ATCAY: variants seen among roughly 807,000 people sequenced by gnomAD.
ATCAY encodes ATCAY kinesin light chain interacting caytaxin.
In ATCAY, 22 loss-of-function variants were observed where a neutral mutation model predicts 47.7. The ratio of observed to expected loss-of-function variants is 0.46; its 90% CI spans 0.33 to 0.66. The LOEUF is 0.66. Ranked by LOEUF, ATCAY falls within the 30% of genes least tolerant of loss-of-function variation. The pLI, the probability that ATCAY is intolerant of heterozygous loss-of-function variation, is 0.02. For missense variants in ATCAY, 452 were observed against 515.0 expected (o/e 0.88, Z 1.18); for synonymous variants, 216 against 207.6 (o/e 1.04, Z -0.35).
chr19:3,910,086 C>T (rs2038910534), intron 7 of ATCAY, among the ~76,000 whole-genome samples: 1 of 152,078 alleles, frequency 6.6e-6, no homozygotes, highest in Non-Finnish European at 1.5e-5. Context: ...GAGACTCTGT[C>T]CCCATGAAAC....
At chr19:3,911,576 C>A (rs1599143297) in intron 8 of ATCAY, among the ~76,000 whole-genome samples, 1 of 92,538 alleles carries the variant, frequency 1.1e-5, no homozygotes, top group African/African-American at 4.9e-5. Context: ...AATAATATGA[C>A]TAATAAATTT....
At chr19:3,915,543 C>T (rs1262336614) in intron 9 of ATCAY, among the ~76,000 whole-genome samples, 3 of 148,080 alleles carry the variant, frequency 2.0e-5, no homozygotes, top group African/African-American at 5.0e-5. Context: ...CCACCATCCT[C>T]TCCAGACCTT....
At chr19:3,904,988 C>A (rs2038847606) in intron 3 of ATCAY, among the ~76,000 whole-genome samples, 1 of 151,964 alleles carries the variant, frequency 6.6e-6, no homozygotes, top group East Asian at 1.9e-4. Flanking sequence ...GACTCCCAAG[C>A]AGCTGGGATT....
chr19:3,894,345 G>A (rs1212562589), intron 2 of ATCAY, among the ~76,000 whole-genome samples: 4 of 151,860 alleles, frequency 2.6e-5, no homozygotes, highest in Non-Finnish European at 4.4e-5. Context: ...TTAGCTGGGC[G>A]TGGTGGCAGG....
At chr19:3,883,319 G>A (rs1428095288) in intron 1 of ATCAY, among the ~76,000 whole-genome samples, 1 of 152,108 alleles carries the variant, frequency 6.6e-6, no homozygotes, top group Non-Finnish European at 1.5e-5. Flanking sequence ...TCTAGCCTGG[G>A]CGACAGAGCG....
chr19:3,882,950 T>A (rs2038614765), intron 1 of ATCAY, among the ~76,000 whole-genome samples: 1 of 151,256 alleles, frequency 6.6e-6, no homozygotes, highest in Admixed American at 6.6e-5. Flanking sequence ...CTTGGTTAGT[T>A]TTTGTATTTT....
chr19:3,885,112 A>ATT (rs1568442475), intron 1 of ATCAY, among the ~76,000 whole-genome samples: 21 of 142,944 alleles, frequency 1.5e-4, no homozygotes, highest in Middle Eastern at 3.5e-3. Context: ...TTTTTTTTAA[A>ATT]AAAAAAAAAA....
chr19:3,910,060 G>C (rs941271787), intron 7 of ATCAY, among the ~76,000 whole-genome samples: 2 of 152,154 alleles, frequency 1.3e-5, no homozygotes, highest in Admixed American at 1.3e-4. Context: ...CTGCACTTCA[G>C]CCTGGGCAAC....
At chr19:3,898,870 CAG>C (rs2038790954) in intron 2 of ATCAY, among the ~76,000 whole-genome samples, 1 of 152,162 alleles carries the variant, frequency 6.6e-6, no homozygotes, top group Admixed American at 6.6e-5. Context: ...TTAGTACAGA[CAG>C]GGTTTCATCG....
At position 3,928,045 on chromosome 19, in the gene ATCAY, G is replaced by T. The variant is rs981220779; in HGVS notation, c.*3453G>T. The T allele has an allele frequency of 6.6e-6, 1 of 152,166 alleles. No homozygotes were observed. Among genetic ancestry groups the T allele is most frequent in the African/African-American group, 2.4e-5 (1 of 41,436 alleles). The allele number at this position is 152,166 out of a possible 1,614,324, so 9.4% of individuals were successfully genotyped here. A position where few individuals can be genotyped will look rare whatever the true frequency, so the allele number is the denominator to read the frequency against. Reference sequence around the variant, plus strand: ...AGACGTCGTCTCCATGAGCTTTGGGGGGACTTTTATGTGGAATAAAGAAAC... The same window carrying T: ...AGACGTCGTCTCCATGAGCTTTGGGTGGACTTTTATGTGGAATAAAGAAAC... On this transcript the variant is annotated 3_prime_UTR_variant, in exon 13 of 13. Coordinates refer to ENST00000450849, the MANE Select transcript of ATCAY (RefSeq NM_033064.5).
Position 3,925,644 on chromosome 19 carries a change from G to A in ATCAY, c.*1052G>A, listed in dbSNP as rs2039060537. On this transcript the variant is annotated 3_prime_UTR_variant, in exon 13 of 13. Coordinates refer to ENST00000450849, the MANE Select transcript of ATCAY (RefSeq NM_033064.5). This position sits in a 1 kb window ranked among gnomAD's most constrained non-coding sequence, Gnocchi z 4.4. ...GAAAAAGAAGACAGACTTTTCTAAT[G>A]TGGTCCAAATGCGGATCACTGGTCA... 6.6e-6 allele frequency: 1 copy of A among 152,252 alleles called. No individual in the cohort carries two copies. 9.4% of individuals were successfully genotyped at this position (152,252 alleles called of 1,614,324 possible).
chr19:3,917,527 G>A (rs2038975951), intron 9 of ATCAY, among the ~76,000 whole-genome samples: 1 of 126,758 alleles, frequency 7.9e-6, no homozygotes, highest in Admixed American at 1.0e-4. Context: ...GGAGGTTGCA[G>A]TGAGCCAAGA....
chr19:3,902,331 G>A (rs2038822619), intron 2 of ATCAY, among the ~76,000 whole-genome samples, 156 bp from the exon 3 acceptor site: 2 of 152,138 alleles, frequency 1.3e-5, no homozygotes, highest in South Asian at 2.1e-4. Flanking sequence ...CCAAAAAAAT[G>A]TATATATTTA....
intron 1 of ATCAY, among the ~76,000 whole-genome samples, chr19:3,884,462 T>G (rs1433238554): frequency 6.6e-6 from 1 of 152,002 alleles, no homozygotes; most frequent in Non-Finnish European, 1.5e-5. Context: ...ATATGGCAGA[T>G]AGCGATGGGT....
Position 3,885,864 on chromosome 19 carries a change from G to C in ATCAY, c.77+20G>C. 6.4e-7 allele frequency: 1 copy of C among 1,550,520 alleles called. No individual in the cohort carries two copies. The highest frequency in any genetic ancestry group is 2.4e-5 in the East Asian group (1 of 40,890). On this transcript the variant is annotated intron_variant, in intron 2 of 12. Transcript: ENST00000450849. ...TCCCAGGTAGGACTTCCACATCCCT[G>C]AGTCAACCGTTGGGGGAGCAGGTGT...
intron 12 of ATCAY, among the ~76,000 whole-genome samples, chr19:3,923,588 G>A (rs539761729): frequency 6.6e-6 from 1 of 151,640 alleles, no homozygotes; most frequent in Non-Finnish European, 1.5e-5. Flanking sequence ...ATGGGTGAAG[G>A]TTGACTGTGT....
intron 2 of ATCAY, among the ~76,000 whole-genome samples, chr19:3,897,646 G>A (rs1392098216): frequency 3.9e-5 from 6 of 151,914 alleles, no homozygotes; most frequent in African/African-American, 9.7e-5. Flanking sequence ...AGTGGCTCAC[G>A]CATGTAATCT....
intron 2 of ATCAY, among the ~76,000 whole-genome samples, chr19:3,897,296 T>C (rs1349919148): frequency 6.6e-6 from 1 of 150,726 alleles, no homozygotes; most frequent in Admixed American, 6.7e-5. Flanking sequence ...AAAATCTATA[T>C]CTATATCTAT....
At chr19:3,890,331 C>T (rs2038705977) in intron 2 of ATCAY, among the ~76,000 whole-genome samples, 3 of 125,746 alleles carry the variant, frequency 2.4e-5, no homozygotes, top group South Asian at 2.7e-4. Context: ...GGCGCGAGTT[C>T]GGCTCACTGC....
Sources: allele counts gnomAD v4.1 joint callset (sites outside exome capture counted in the v4.1 genomes callset), GRCh38; gene constraint gnomAD v4.1.1; non-coding constraint Gnocchi (gnomAD v3.1); transcripts MANE v1.5; gene names NCBI Gene and HGNC (gene_info 2026-07-23, HGNC 2026-07-21).